LRRIQ4: variants seen among roughly 807,000 people sequenced by gnomAD.
The protein encoded by LRRIQ4 is leucine-rich repeat and IQ domain-containing protein 4.
In LRRIQ4, 21 loss-of-function variants were observed where a neutral mutation model predicts 40.1. The observed-to-expected ratio is 0.52, with a 90% CI of 0.37 to 0.75. The LOEUF is 0.75. LRRIQ4 is among the 30% of genes least tolerant of loss of function. The pLI, the probability that LRRIQ4 is intolerant of heterozygous loss-of-function variation, is 0.00. For synonymous variants in LRRIQ4, 277 were observed against 277.1 expected, an observed-to-expected ratio of 1.00 and a Z score of 0.00; for missense variants, 655 against 660.0, an observed-to-expected ratio of 0.99 and a Z score of 0.08.
intron 1 of LRRIQ4, among the ~76,000 whole-genome samples, chr3:169,813,645 A>G (rs1231467839): frequency 1.3e-5 from 2 of 152,172 alleles, no homozygotes; most frequent in Non-Finnish European, 2.9e-5. Flanking sequence ...ACTCTAAGTA[A>G]CCAATGGAAT....
At chr3:169,816,652 T>C (rs191259306) in intron 1 of LRRIQ4, among the ~76,000 whole-genome samples, 1 of 151,022 alleles carries the variant, frequency 6.6e-6, no homozygotes, top group Admixed American at 6.7e-5. Context: ...CTGCTCTGAT[T>C]TTTGTGATTT....
intron 1 of LRRIQ4, among the ~76,000 whole-genome samples, chr3:169,817,079 A>C (rs1431722184): frequency 6.6e-6 from 1 of 152,196 alleles, no homozygotes; most frequent in Non-Finnish European, 1.5e-5. Flanking sequence ...TTATTGCTAT[A>C]AACATGCCTG....
chr3:169,830,409 A>AAAAAAAAAAAAAAAAATGAATT, intron 3 of LRRIQ4, 83 bp from the exon 4 acceptor site: 1 of 508,546 alleles, frequency 2.0e-6, no homozygotes, highest in Non-Finnish European at 2.9e-6. Context: ...AAAAAAAAAA[A>AAAAAAAAAAAAAAAAATGAATT]TGCATGAGCA....
At chr3:169,836,401 G>A (rs972402233) in intron 5 of LRRIQ4, among the ~76,000 whole-genome samples, 1 of 152,192 alleles carries the variant, frequency 6.6e-6, no homozygotes, top group African/African-American at 2.4e-5. Context: ...TAAGGTCAGA[G>A]TATCAGCATG....
intron 1 of LRRIQ4, among the ~76,000 whole-genome samples, chr3:169,817,723 A>G (rs925307823): frequency 6.6e-6 from 1 of 151,958 alleles, no homozygotes; most frequent in African/African-American, 2.4e-5. Flanking sequence ...CTCGAAATCT[A>G]TTTTGTCTGA....
At chr3:169,835,452 A>G (rs1040985536) in intron 5 of LRRIQ4, among the ~76,000 whole-genome samples, 5 of 150,806 alleles carry the variant, frequency 3.3e-5, no homozygotes, top group African/African-American at 1.2e-4. Context: ...GGTGGGTGCA[A>G]GCTGTGCCCT....
intron 2 of LRRIQ4, among the ~76,000 whole-genome samples, chr3:169,823,804 G>T (rs771360386): frequency 3.1e-4 from 47 of 152,142 alleles, no homozygotes; most frequent in Non-Finnish European, 5.6e-4. Context: ...GTGCAGGGTG[G>T]CATATTCAAA....
intron 1 of LRRIQ4, among the ~76,000 whole-genome samples, chr3:169,819,582 T>C (rs1214002321): frequency 2.0e-5 from 3 of 152,208 alleles, no homozygotes; most frequent in South Asian, 2.1e-4. Flanking sequence ...AAACGAGTGA[T>C]GTTAAAAATC....
intron 2 of LRRIQ4, 83 bp from the exon 3 acceptor site, chr3:169,828,676 C>A: frequency 7.9e-7 from 1 of 1,271,094 alleles, no homozygotes; most frequent in Non-Finnish European, 1.1e-6. Flanking sequence ...GTTTAGCAGT[C>A]TGCCTCAAAA....
At position 169,816,674 on chromosome 3, in the gene LRRIQ4, C is replaced by CTTTTTT. The variant is rs34890404; in HGVS notation, c.-32+3639_-32+3644dup. On this transcript the variant is annotated intron_variant, in intron 1 of 5. Coordinates refer to ENST00000340806, the MANE Select transcript of LRRIQ4 (RefSeq NM_001080460.3). ...GATTTTTGTGATTTCTTTTCTTCTA[C>CTTTTTT]TTTTTTTTTTTTTTTTGACAGAGTT... Among the ~76,000 whole-genome samples the CTTTTTT allele has an allele frequency of 4.5e-3, 617 of 136,006 alleles. 7 individuals carry two copies. Among genetic ancestry groups the CTTTTTT allele is most frequent in the African/African-American group, 0.016 (584 of 36,688 alleles). The allele number at this position is 136,006 out of a possible 152,430, so 89.2% of individuals were successfully genotyped here. A position where few individuals can be genotyped will look rare whatever the true frequency, so the allele number is the denominator to read the frequency against.
chr3:169,814,835 A>G (rs1779731548), intron 1 of LRRIQ4, among the ~76,000 whole-genome samples: 1 of 152,130 alleles, frequency 6.6e-6, no homozygotes, highest in Non-Finnish European at 1.5e-5. Context: ...ATAGGGGTGT[A>G]GTTTCATTCT....
rs1377341371 is a variant in LRRIQ4, at chr3:169,833,175, G to T, written c.1522G>T (p.Ala508Ser). The T allele has an allele frequency of 1.9e-6, 3 of 1,612,198 alleles. No homozygotes were observed. The highest frequency in any genetic ancestry group is 2.5e-6 in the Non-Finnish European group (3 of 1,179,140). The change falls in exon 5 of 6, where the codon GCA becomes TCA. Residue 508 changes from alanine to serine, a missense_variant. Ala to Ser is a moderately conservative substitution (Grantham distance 99, BLOSUM62 1). Coordinates refer to ENST00000340806, the MANE Select transcript of LRRIQ4 (RefSeq NM_001080460.3). Reference sequence around the variant, plus strand: ...GGAAAACAGAAACAGGAATATAATGGCAACAAAGGTAAAATCAGCCCAGAT... The same window carrying T: ...GGAAAACAGAAACAGGAATATAATGTCAACAAAGGTAAAATCAGCCCAGAT... ...LKENRNRNIMATKIQAWWRGT... is the reference protein window; with the variant it reads ...LKENRNRNIMSTKIQAWWRGT...
At chr3:169,835,724 G>T (rs912232615) in intron 5 of LRRIQ4, among the ~76,000 whole-genome samples, 3 of 152,074 alleles carry the variant, frequency 2.0e-5, no homozygotes, top group African/African-American at 7.2e-5. Context: ...CCTGGATCCC[G>T]ATTGGTCTGC....
chr3:169,828,680 C>T (rs571087545), intron 2 of LRRIQ4, 79 bp from the exon 3 acceptor site: 2 of 1,384,194 alleles, frequency 1.4e-6, no homozygotes, highest in East Asian at 2.3e-5. Context: ...AGCAGTCTGC[C>T]TCAAAACCAG....
chr3:169,827,587 G>A (rs1480806038), intron 2 of LRRIQ4, among the ~76,000 whole-genome samples: 3 of 143,744 alleles, frequency 2.1e-5, no homozygotes, highest in Non-Finnish European at 3.0e-5. Context: ...AGCCTGGGCG[G>A]CAGAGCGAGA....
chr3:169,825,177 T>C (rs565531271), intron 2 of LRRIQ4, among the ~76,000 whole-genome samples: 11 of 151,968 alleles, frequency 7.2e-5, no homozygotes, highest in African/African-American at 2.2e-4. Context: ...CCGGCTAATT[T>C]ATGTATTTTT....
At chr3:169,836,228 T>C (rs906059802) in intron 5 of LRRIQ4, among the ~76,000 whole-genome samples, 1 of 150,062 alleles carries the variant, frequency 6.7e-6, no homozygotes, top group Admixed American at 6.6e-5. Context: ...AAATTGCCAG[T>C]AGTGTGTGGA....
intron 1 of LRRIQ4, among the ~76,000 whole-genome samples, chr3:169,814,320 C>T (rs1779712697): frequency 6.6e-6 from 1 of 152,302 alleles, no homozygotes; most frequent in East Asian, 1.9e-4. Flanking sequence ...GTCTACACAT[C>T]GTGCTGCTTG....
Position 169,820,844 on chromosome 3 carries a change from T to C in LRRIQ4, c.-31-1047T>C, listed in dbSNP as rs115002006. Among the ~76,000 whole-genome samples, 340 of 152,340 alleles carry C rather than the reference T, an allele frequency of 2.2e-3. 2 individuals carry two copies. Among genetic ancestry groups the C allele is most frequent in the African/African-American group, 8.0e-3 (331 of 41,574 alleles). On this transcript the variant is annotated intron_variant, in intron 1 of 5. Coordinates refer to ENST00000340806, the MANE Select transcript of LRRIQ4 (RefSeq NM_001080460.3). ...TTCAGGACCTGTCTCTGTTCTTTAGTCCAGCCTGCAATTTTCCCTGTGGCC... is the reference window on the plus strand; with the variant it reads ...TTCAGGACCTGTCTCTGTTCTTTAGCCCAGCCTGCAATTTTCCCTGTGGCC...
Sources: gnomAD v4.1 joint callset for allele counts (sites outside exome capture counted in the v4.1 genomes callset) on GRCh38, gnomAD v4.1.1 for gene constraint, MANE v1.5 for transcripts, NCBI Gene and HGNC (gene_info 2026-07-23, HGNC 2026-07-21) for gene names.